Variants in KIF1A observed in about 807,000 individuals in gnomAD.
KIF1A encodes kinesin family member 1A.
KIF1A carries 46 observed loss-of-function variants against 227.3 expected under a neutral mutation model. The observed-to-expected ratio is 0.20, with a 90% confidence interval of 0.16 to 0.26. The LOEUF (loss-of-function observed/expected upper bound fraction) is 0.26, where lower values mean the gene tolerates loss of function less well. KIF1A is among the 10% of genes least tolerant of loss of function. KIF1A has a pLI of 1.00. For missense variants in KIF1A, 1,683 were observed against 2,485.9 expected (o/e 0.68, Z 6.87); for synonymous variants, 1,022 against 1,012.8 (o/e 1.01, Z -0.17).
chr2:240,733,603 C>T (rs556818869), intron 38 of KIF1A, among the ~76,000 whole-genome samples: 1 of 152,336 alleles, frequency 6.6e-6, no homozygotes, highest in Admixed American at 6.5e-5. Flanking sequence ...AGAGTCTTCT[C>T]CTGGCCACAG....
chr2:240,814,969 C>A (rs2058208596), intron 1 of KIF1A, among the ~76,000 whole-genome samples: 1 of 152,206 alleles, frequency 6.6e-6, no homozygotes, highest in South Asian at 2.1e-4. Context: ...AAAACACCAA[C>A]CAAGAACATC....
At chr2:240,784,431 C>G (rs1004024746) in intron 7 of KIF1A, among the ~76,000 whole-genome samples, 3 of 152,214 alleles carry the variant, frequency 2.0e-5, no homozygotes, top group African/African-American at 7.2e-5. Flanking sequence ...CCTCGTCCAG[C>G]TTCACCCTCG....
intron 37 of KIF1A, chr2:240,737,589 A>G: frequency 6.1e-6 from 1 of 163,746 alleles, no homozygotes; most frequent in African/African-American, 2.4e-5. Flanking sequence ...GAGGGAGGGA[A>G]AGAAGAGCAG....
At chr2:240,760,020 A>AG (rs1474810840) in intron 25 of KIF1A, among the ~76,000 whole-genome samples, 2 of 149,832 alleles carry the variant, frequency 1.3e-5, no homozygotes, top group African/African-American at 2.5e-5. Flanking sequence ...TGTCTCTTAA[A>AG]GAAAAAAAAA....
rs991883569 is a variant in KIF1A at position 240,793,529 on chromosome 2, G to A, written c.106+4118C>T. On this transcript the variant is annotated intron_variant, in intron 2 of 48. Transcript: ENST00000498729. The surrounding 1 kb of genome is among the most constrained non-coding windows in gnomAD (Gnocchi z 4.8). ...CAGGCTCAGGGCCCTCACGTCCTCC[G>A]GTCCTCAGGGCAGAGAATGTGAGGA... 1.3e-5 allele frequency among the ~76,000 whole-genome samples: 2 copies of A among 152,058 alleles called. No individual in the cohort carries two copies. Among genetic ancestry groups the A allele is most frequent in the African/African-American group, 2.4e-5 (1 of 41,404 alleles).
intron 32 of KIF1A, among the ~76,000 whole-genome samples, chr2:240,745,116 T>C (rs1385170490): frequency 6.6e-6 from 1 of 152,116 alleles, no homozygotes; most frequent in Admixed American, 6.5e-5. Context: ...CTGCCCTGGC[T>C]GAGCACCCCC....
Position 240,771,048 on chromosome 2 carries a change from G to C in KIF1A, c.1264C>G (p.Arg422Gly). ...PSSSLSALSS[R>G]AASVSSLHER... ...TGGAGGCTGGACACGGAGGCCGCGC[G>C]GCTGGACAGGGCTGAGAGCGAGGAT... Residue 422 changes from arginine to glycine, a missense_variant, in exon 15 of 49, where the codon CGC becomes GGC. Physicochemically the swap from Arg to Gly is moderately radical, Grantham distance 125 (BLOSUM62 -2). This residue lies in a region of KIF1A where 110 missense variants were observed against 133.1 expected (regional missense o/e 0.83). Transcript: ENST00000498729. 6.2e-7 allele frequency: 1 copy of C among 1,613,346 alleles called. No individual in the cohort carries two copies. The highest frequency in any genetic ancestry group is 8.5e-7 in the Non-Finnish European group (1 of 1,179,814).
chr2:240,819,754 G>A (rs1212962874), intron 1 of KIF1A, among the ~76,000 whole-genome samples: 3 of 152,112 alleles, frequency 2.0e-5, no homozygotes, highest in Admixed American at 2.0e-4. Context: ...CCAGGGAAGC[G>A]GAATAGCCGG....
intron 10 of KIF1A, among the ~76,000 whole-genome samples, chr2:240,776,424 C>T (rs963844217): frequency 6.6e-6 from 1 of 152,254 alleles, no homozygotes; most frequent in Non-Finnish European, 1.5e-5. Context: ...CCAGAGTTCA[C>T]CCGCCCTCTC....
At chr2:240,818,929 G>A (rs1329831529) in intron 1 of KIF1A, 1 of 152,292 alleles carries the variant, frequency 6.6e-6, no homozygotes, top group South Asian at 2.1e-4. Context: ...CTGACGCTTG[G>A]GGAAGGGGTC....
At chr2:240,748,406 G>A (rs1234210593) in intron 28 of KIF1A, among the ~76,000 whole-genome samples, 1 of 152,210 alleles carries the variant, frequency 6.6e-6, no homozygotes, top group Non-Finnish European at 1.5e-5. Context: ...GACGGCAGCT[G>A]CCCTCACAAG....
intron 23 of KIF1A, among the ~76,000 whole-genome samples, chr2:240,761,670 A>G (rs1344609752): frequency 6.6e-6 from 1 of 152,072 alleles, no homozygotes; most frequent in Non-Finnish European, 1.5e-5. Context: ...CCCGTTTCAC[A>G]CTAACTATTT....
chr2:240,731,324 C>A (rs920578653), intron 38 of KIF1A, among the ~76,000 whole-genome samples: 1 of 152,176 alleles, frequency 6.6e-6, no homozygotes, highest in African/African-American at 2.4e-5. Flanking sequence ...GGGGGCGCAG[C>A]TGGAGACAGC....
intron 2 of KIF1A, among the ~76,000 whole-genome samples, chr2:240,796,943 G>T (rs561280306): frequency 1.3e-5 from 2 of 151,774 alleles, no homozygotes. Flanking sequence ...AGGGCATGTC[G>T]GATGGGTGCA....
chr2:240,759,727 C>A (rs898056823), intron 25 of KIF1A, among the ~76,000 whole-genome samples: 1 of 152,198 alleles, frequency 6.6e-6, no homozygotes, highest in Non-Finnish European at 1.5e-5. Flanking sequence ...TGAGGCCTGG[C>A]TGGGTGCAGT....
rs2048524104 is a variant in KIF1A, at chr2:240,745,776, G to A, written c.3336C>T (p.Ser1112=). 2 of 1,612,910 alleles carry A rather than the reference G, an allele frequency of 1.2e-6. No individual in the cohort carries two copies. The highest frequency in any genetic ancestry group is 2.2e-5 in the East Asian group (1 of 44,868). ...AGATGTCGGCATATTCGGCAGAGAT[G>A]CTGGACGCCTGCAGGACTGTCACAC... ...TFRVTVLQAS[S]ISAEYADIFC... The change falls in exon 31 of 49, where the codon AGC becomes AGT. Residue 1112 remains serine, a synonymous_variant. Transcript: ENST00000498729.
At position 240,765,925 on chromosome 2, in the gene KIF1A, T is replaced by G. The variant is rs957252746; in HGVS notation, c.1685-132A>C. 10 of 677,996 alleles carry G rather than the reference T, an allele frequency of 1.5e-5. No individual in the cohort carries two copies. The African/African-American group carries it at 1.8e-4, about 12-fold the overall frequency. The allele number at this position is 677,996 out of a possible 1,614,324, so 42.0% of individuals were successfully genotyped here. On this transcript the variant is annotated intron_variant, in intron 19 of 48. Transcript: ENST00000498729. ...TCTCTTTTCCCTGCTACACAGGCCGTGACCATTGGCAACACTCATTTGGGC... is the reference window on the plus strand; with the variant it reads ...TCTCTTTTCCCTGCTACACAGGCCGGGACCATTGGCAACACTCATTTGGGC...
intron 43 of KIF1A, 83 bp from the exon 44 acceptor site, chr2:240,721,967 C>T (rs2045447294): frequency 8.8e-7 from 1 of 1,138,942 alleles, no homozygotes; most frequent in South Asian, 1.3e-5. Context: ...TCTACCCACC[C>T]CTCCCCAGAC....
At chr2:240,746,899 G>A (rs577294103) in intron 29 of KIF1A, among the ~76,000 whole-genome samples, 333 of 152,326 alleles carry the variant, frequency 2.2e-3, no homozygotes, top group Non-Finnish European at 3.8e-3. Context: ...GGGACCCAGA[G>A]GAGAGCTGGT....
Sources: gnomAD v4.1 joint callset for allele counts (sites outside exome capture counted in the v4.1 genomes callset) on GRCh38, gnomAD v4.1.1 for gene constraint, gnomAD v4.1.1 regional missense constraint, Gnocchi (gnomAD v3.1) non-coding constraint, MANE v1.5 for transcripts, NCBI Gene and HGNC (gene_info 2026-07-23, HGNC 2026-07-21) for gene names.